Variants in SLIT3 observed in about 807,000 individuals in gnomAD.
SLIT3 encodes slit guidance ligand 3.
Under a neutral mutation model 184.0 loss-of-function variants are expected in SLIT3, and 68 were observed. The observed-to-expected ratio is 0.37, with a 90% CI of 0.30 to 0.45. The LOEUF is 0.45. Among genes scored for constraint, SLIT3 ranks in the 20% least tolerant of loss-of-function variants. The pLI, the probability that SLIT3 is intolerant of heterozygous loss-of-function variation, is 1.00. For missense variants in SLIT3, 1,707 were observed against 2,026.0 expected (o/e 0.84, Z 3.02); for synonymous variants, 831 against 828.6 (o/e 1.00, Z -0.05).
chr5:168,671,445 C>T lies in SLIT3; in HGVS notation c.3880G>A (p.Gly1294Ser). 1 of 1,613,396 alleles carries T rather than the reference C, an allele frequency of 6.2e-7. No homozygotes were observed. The highest frequency in any genetic ancestry group is 1.3e-5 in the African/African-American group (1 of 75,062). The change falls in exon 34 of 36, where the codon GGC becomes AGC. Residue 1294 changes from glycine (G) to serine (S), a missense_variant. Gly to Ser is a moderately conservative substitution (Grantham distance 56, BLOSUM62 0). Coordinates refer to ENST00000519560, the MANE Select transcript of SLIT3 (RefSeq NM_003062.4). ...AAGCCGCCTAGAGGCCGGTCCGTGC[C>T]CTGGCGCAAGGCAGAGAGGCCGGTG... Reference protein sequence around the residue: ...TSTGLSALRQGTDRPLGGFHG... With the variant: ...TSTGLSALRQSTDRPLGGFHG...
At chr5:169,120,491 A>C (rs932479256) in intron 4 of SLIT3, 8 of 152,188 alleles carry the variant, frequency 5.3e-5, no homozygotes, top group Admixed American at 3.3e-4. Flanking sequence ...ATCAGGAAAA[A>C]GGCAAAGAAA....
At chr5:169,136,050 A>T (rs1164623556) in intron 4 of SLIT3, among the ~76,000 whole-genome samples, 1 of 152,208 alleles carries the variant, frequency 6.6e-6, no homozygotes. Flanking sequence ...AACATAAGGA[A>T]ATAGGTCAGA....
At chr5:169,060,604 G>A (rs755458813) in intron 4 of SLIT3, among the ~76,000 whole-genome samples, 6 of 152,180 alleles carry the variant, frequency 3.9e-5, no homozygotes, top group Admixed American at 6.5e-5. Context: ...GGGTGTGAGC[G>A]TCATTAGCTG....
chr5:168,756,540 C>G (rs1390582443), intron 16 of SLIT3, among the ~76,000 whole-genome samples: 2 of 152,202 alleles, frequency 1.3e-5, no homozygotes, highest in African/African-American at 4.8e-5. Context: ...CGCCCAAGGT[C>G]TGAGACAGTC....
chr5:168,931,796 A>C (rs1761994971), intron 4 of SLIT3, among the ~76,000 whole-genome samples: 1 of 152,320 alleles, frequency 6.6e-6, no homozygotes, highest in Middle Eastern at 3.4e-3. Context: ...ACCACTGCAC[A>C]GGAAGAACTG....
chr5:169,098,976 T>G (rs926687564), intron 4 of SLIT3, among the ~76,000 whole-genome samples: 1 of 152,026 alleles, frequency 6.6e-6, no homozygotes, highest in African/African-American at 2.4e-5. Flanking sequence ...CTCAGATGCC[T>G]GCACCCTTCC....
At chr5:169,149,580 G>A (rs541982549) in intron 4 of SLIT3, among the ~76,000 whole-genome samples, 2 of 152,196 alleles carry the variant, frequency 1.3e-5, no homozygotes, top group Non-Finnish European at 2.9e-5. Context: ...AGGGGCCACC[G>A]TTTACCTACT....
intron 3 of SLIT3, among the ~76,000 whole-genome samples, chr5:169,217,386 C>T (rs1247324587): frequency 1.3e-5 from 2 of 152,142 alleles, no homozygotes; most frequent in African/African-American, 2.4e-5. Flanking sequence ...GTCCCAGGAG[C>T]TCACAGCTGA....
intron 1 of SLIT3, among the ~76,000 whole-genome samples, chr5:169,256,256 A>T (rs1765956212): frequency 6.6e-6 from 1 of 152,184 alleles, no homozygotes; most frequent in East Asian, 1.9e-4. Context: ...TCAAGACTGG[A>T]CTGGGCAACA....
At chr5:168,902,458 T>C (rs552359109) in intron 4 of SLIT3, among the ~76,000 whole-genome samples, 1 of 152,174 alleles carries the variant, frequency 6.6e-6, no homozygotes, top group Non-Finnish European at 1.5e-5. Context: ...GAGAGCTCAA[T>C]GCGTGATAAG....
intron 8 of SLIT3, among the ~76,000 whole-genome samples, chr5:168,810,362 T>C (rs1274416404): frequency 6.6e-6 from 1 of 152,218 alleles, no homozygotes; most frequent in Admixed American, 6.5e-5. Flanking sequence ...AGTGAGCCTA[T>C]GTACTGGCAA....
chr5:169,043,837 T>C (rs571047313), intron 4 of SLIT3, among the ~76,000 whole-genome samples: 4 of 152,246 alleles, frequency 2.6e-5, no homozygotes, highest in Admixed American at 1.3e-4. Context: ...GCCTTATAAT[T>C]AGCAAACAGC....
intron 1 of SLIT3, among the ~76,000 whole-genome samples, chr5:169,272,087 C>T (rs1341436826): frequency 6.6e-6 from 1 of 152,212 alleles, no homozygotes; most frequent in Non-Finnish European, 1.5e-5. Flanking sequence ...ATAGGAGGCC[C>T]ATGGGTAAGG....
chr5:169,208,906 A>C (rs181527986), intron 3 of SLIT3, among the ~76,000 whole-genome samples: 3 of 152,370 alleles, frequency 2.0e-5, no homozygotes, highest in Admixed American at 2.0e-4. Context: ...CAAAGAGTTA[A>C]TGTCTAAAAC....
intron 4 of SLIT3, among the ~76,000 whole-genome samples, chr5:169,111,280 G>A (rs1297153117): frequency 4.6e-5 from 7 of 152,200 alleles, no homozygotes; most frequent in Admixed American, 4.6e-4. Context: ...CTTTGTTACA[G>A]CAGCTTTAGG....
intron 23 of SLIT3, among the ~76,000 whole-genome samples, chr5:168,718,677 T>TATAC (rs1265767398): frequency 9.2e-6 from 1 of 108,590 alleles, no homozygotes; most frequent in Non-Finnish European, 1.9e-5. Flanking sequence ...TATCCACCCA[T>TATAC]ACACACACAC....
At chr5:168,683,941 G>A in intron 32 of SLIT3, 25 bp downstream of exon 32, 1 of 1,487,606 alleles carries the variant, frequency 6.7e-7, no homozygotes, top group Non-Finnish European at 9.0e-7. Flanking sequence ...ACACACAGTG[G>A]GTCAGGAGGG....
At chr5:169,055,072 A>T (rs1291584534) in intron 4 of SLIT3, among the ~76,000 whole-genome samples, 2 of 152,132 alleles carry the variant, frequency 1.3e-5, no homozygotes, top group African/African-American at 4.8e-5. Context: ...AAAACAAATG[A>T]TTGGATCACT....
At chr5:169,109,372 C>A (rs1163185796) in intron 4 of SLIT3, among the ~76,000 whole-genome samples, 1 of 152,158 alleles carries the variant, frequency 6.6e-6, no homozygotes, top group Admixed American at 6.5e-5. Context: ...ATGAATTCTG[C>A]CAACAACTGA....
Sources: gnomAD v4.1 joint callset for allele counts (sites outside exome capture counted in the v4.1 genomes callset) on GRCh38, gnomAD v4.1.1 for gene constraint, MANE v1.5 for transcripts, NCBI Gene and HGNC (gene_info 2026-07-23, HGNC 2026-07-21) for gene names.